Variants in GIT1 observed in about 807,000 individuals in gnomAD.
GIT1 encodes the protein ARF GTPase-activating protein GIT1.
In GIT1, 14 loss-of-function variants were observed where a neutral mutation model predicts 91.7. The observed-to-expected ratio is 0.15, with a 90% CI of 0.10 to 0.24. GIT1 has a LOEUF of 0.24. Among genes scored for constraint, GIT1 ranks in the 10% least tolerant of loss-of-function variants. GIT1 has a pLI of 1.00. For synonymous variants in GIT1, 414 were observed against 418.2 expected, an observed-to-expected ratio of 0.99 and a Z score of 0.12; for missense variants, 717 against 1,024.9, an observed-to-expected ratio of 0.70 and a Z score of 4.10.
chr17:29,589,470 C>CCGGCT lies in GIT1; in HGVS notation c.-97_-93dup, dbSNP rs1368870989. 5 of 413,942 alleles carry CCGGCT rather than the reference C, an allele frequency of 1.2e-5. No individual in the cohort carries two copies. Among genetic ancestry groups the CCGGCT allele is most frequent in the African/African-American group, 2.2e-5 (1 of 45,870 alleles). The allele number at this position is 413,942 out of a possible 1,614,324, so 25.6% of individuals were successfully genotyped here. ...GCGGCGGCGGCCCCTGCTGCCCGGC[C>CCGGCT]CGGCTCCGGCGAGGCCCCGGCGAGG... is the stretch of plus-strand genomic sequence containing the variant. On this transcript the variant is annotated 5_prime_UTR_variant, in exon 1 of 20. Transcript: ENST00000225394. The surrounding 1 kb of genome is among the most constrained non-coding windows in gnomAD (Gnocchi z 5.2).
At chr17:29,580,271 T>C (rs1200256679) in intron 7 of GIT1, among the ~76,000 whole-genome samples, 5 of 152,204 alleles carry the variant, frequency 3.3e-5, no homozygotes, top group Admixed American at 1.3e-4. Flanking sequence ...GTATTTACCA[T>C]ACACATGCAC....
At chr17:29,584,958 GCTT>G (rs1244544657) in intron 1 of GIT1, among the ~76,000 whole-genome samples, 3 of 125,728 alleles carry the variant, frequency 2.4e-5, no homozygotes, top group Non-Finnish European at 3.4e-5. Context: ...TTGGGTTTAG[GCTT>G]TTTTTTTTTT....
At chr17:29,577,854 G>A (rs2033268318) in intron 9 of GIT1, 112 bp from the exon 10 acceptor site, 1 of 714,050 alleles carries the variant, frequency 1.4e-6, no homozygotes, top group Non-Finnish European at 2.5e-6. Flanking sequence ...CTGAGCACTG[G>A]TGTTCAGAAC....
At chr17:29,583,923 C>T (rs1222561353) in intron 1 of GIT1, 2 of 400,266 alleles carry the variant, frequency 5.0e-6, no homozygotes, top group East Asian at 4.0e-5. Flanking sequence ...GTCTCTCAGC[C>T]TTTTCCCAGG....
chr17:29,580,546 T>C (rs985827191), intron 7 of GIT1, among the ~76,000 whole-genome samples: 5 of 152,182 alleles, frequency 3.3e-5, no homozygotes, highest in African/African-American at 1.2e-4. Flanking sequence ...TGTCCCACAC[T>C]GCCTCTCAGA....
At chr17:29,578,459 A>T in intron 8 of GIT1, 88 bp from the exon 9 acceptor site, 1 of 1,254,558 alleles carries the variant, frequency 8.0e-7, no homozygotes, top group Middle Eastern at 1.9e-4. Flanking sequence ...AGCCTTGGGG[A>T]ACCGGTGGCC....
At chr17:29,577,454 C>A (rs547831493) in intron 10 of GIT1, among the ~76,000 whole-genome samples, 191 bp downstream of exon 10, 3 of 152,286 alleles carry the variant, frequency 2.0e-5, no homozygotes, top group African/African-American at 7.2e-5. Context: ...GGCCGGAACA[C>A]CCACCGGAGC....
intron 12 of GIT1, 32 bp from the exon 13 acceptor site, chr17:29,576,706 T>A: frequency 6.2e-7 from 1 of 1,612,228 alleles, no homozygotes; most frequent in Admixed American, 1.7e-5. Context: ...GGTCAGCACC[T>A]GGGGGCAGGG....
chr17:29,581,513 C>T lies in GIT1; in HGVS notation c.719-133G>A, dbSNP rs879865365. On this transcript the variant is annotated intron_variant, in intron 6 of 19. Transcript: ENST00000225394. This position sits in a 1 kb window ranked among gnomAD's most constrained non-coding sequence, Gnocchi z 4.8. Reference sequence around the variant, plus strand: ...GAAAGTGGGGAGGGCAGGCCACCCCCAAGAATGCTGGGAGCTCGTGGGAGG... The same window carrying T: ...GAAAGTGGGGAGGGCAGGCCACCCCTAAGAATGCTGGGAGCTCGTGGGAGG... The T allele has an allele frequency of 5.1e-6, 4 of 788,212 alleles. No individual in the cohort carries two copies. The highest frequency in any genetic ancestry group is 8.8e-6 in the Non-Finnish European group (4 of 456,354). The allele number at this position is 788,212 out of a possible 1,614,324, so 48.8% of individuals were successfully genotyped here.
In GIT1 at chr17:29,576,264, G is replaced by T; in HGVS notation, c.1567C>A (p.Pro523Thr). The change falls in exon 14 of 20, where the codon CCT becomes ACT. Residue 523 changes from proline to threonine, a missense_variant. Pro to Thr is a conservative substitution (Grantham distance 38). Coordinates refer to ENST00000225394, the MANE Select transcript of GIT1 (RefSeq NM_014030.4). ...AGCCGCGTAGTGAGCTCGTCCCCAG[G>T]GGGGCCCCCAAAGGGCTTCAGGGCA... ...GSALKPFGGP[P>T]GDELTTRLQP... 1.9e-6 allele frequency: 3 copies of T among 1,610,372 alleles called. No individual in the cohort carries two copies. Among genetic ancestry groups the T allele is most frequent in the Non-Finnish European group, 2.5e-6 (3 of 1,177,830 alleles).
chr17:29,578,776 A>G lies in GIT1; in HGVS notation c.765T>C (p.Leu255=), dbSNP rs149462417. ...CAGCTTTGGCCAATTCGGATAAGTCAAGGCTGAGGGCAGAGGGAGATGGGA... is the reference window on the plus strand; with the variant it reads ...CAGCTTTGGCCAATTCGGATAAGTCGAGGCTGAGGGCAGAGGGAGATGGGA... The part of the protein sequence containing the change: ...HYIIPQMADS[L]DLSELAKAAK... Residue 255 remains leucine, a synonymous_variant, in exon 8 of 20, where the codon CTT becomes CTC. Coordinates refer to ENST00000225394, the MANE Select transcript of GIT1 (RefSeq NM_014030.4). 2.0e-5 allele frequency: 33 copies of G among 1,613,938 alleles called. No individual in the cohort carries two copies. Among genetic ancestry groups the G allele is most frequent in the African/African-American group, 2.7e-5 (2 of 74,908 alleles).
At position 29,581,911 on chromosome 17, in the gene GIT1, T is replaced by G; in HGVS notation, c.623+16A>C. The G allele has an allele frequency of 2.5e-6, 3 of 1,177,426 alleles. No individual in the cohort carries two copies. Among genetic ancestry groups the G allele is most frequent in the Non-Finnish European group, 3.6e-6 (3 of 840,366 alleles). The allele number at this position is 1,177,426 out of a possible 1,614,324, so 72.9% of individuals were successfully genotyped here. ...ACCCCCACCCACCCACACTGCACCC[T>G]TCAGCCGACCCTCACCTGGCATAGT... is the stretch of plus-strand genomic sequence containing the variant. On this transcript the variant is annotated intron_variant, in intron 5 of 19. Transcript: ENST00000225394. This position sits in a 1 kb window ranked among gnomAD's most constrained non-coding sequence, Gnocchi z 4.8.
At position 29,575,889 on chromosome 17, in the gene GIT1, C is replaced by T. The variant is rs1327119077; in HGVS notation, c.1675G>A (p.Gly559Arg). ...AAGGGCACAGCTGAGGCAGACACCC[C>T]TTTCCGGATCTGAAACCCAGGGCAG... ...VPAGLYRIRK[G>R]VSASAVPFTP... is the part of the protein sequence containing the mutation. The change falls in exon 16 of 20, where the codon GGG (glycine) becomes AGG (arginine). Residue 559 changes from glycine (G) to arginine (R), a missense_variant. Physicochemically the swap from Gly to Arg is moderately radical, Grantham distance 125 (BLOSUM62 -2). Around this residue, in one of 3 missense-constraint regions of GIT1, gnomAD observed 312 missense variants for 349.5 expected, o/e 0.89. Transcript: ENST00000225394. This position sits in a 1 kb window ranked among gnomAD's most constrained non-coding sequence, Gnocchi z 5.5. 6.2e-7 allele frequency: 1 copy of T among 1,607,342 alleles called. No homozygotes were observed. The highest frequency in any genetic ancestry group is 1.3e-5 in the African/African-American group (1 of 74,746).
In GIT1 at chr17:29,581,709, G is replaced by C. The variant is rs2033400898; in HGVS notation, c.718+33C>G. On this transcript the variant is annotated intron_variant, in intron 6 of 19. Transcript: ENST00000225394. This position sits in a 1 kb window ranked among gnomAD's most constrained non-coding sequence, Gnocchi z 4.8. ...CACCTGCCCAGCCCCAGCCAGGCCT[G>C]TCACAGCCAGGCGCCCCCCAAGCTC... is the stretch of plus-strand genomic sequence containing the variant. 3.2e-6 allele frequency: 5 copies of C among 1,566,668 alleles called. No homozygotes were observed. The East Asian group carries it at 1.1e-4, about 35-fold the overall frequency.
chr17:29,578,272 G>C, intron 9 of GIT1, 27 bp downstream of exon 9: 1 of 1,592,302 alleles, frequency 6.3e-7, no homozygotes, highest in Non-Finnish European at 8.6e-7. Flanking sequence ...GGTCCTCCAC[G>C]CCAGACACTC....
chr17:29,576,812 G>A (rs756578942), intron 12 of GIT1, 51 bp downstream of exon 12: 39 of 1,575,078 alleles, frequency 2.5e-5, no homozygotes, highest in Non-Finnish European at 2.9e-5. Context: ...GGGCCTCAGC[G>A]AAGGCCTGGG....
chr17:29,579,040 A>G, intron 7 of GIT1: 1 of 1,569,120 alleles, frequency 6.4e-7, no homozygotes, highest in Non-Finnish European at 8.8e-7. Flanking sequence ...GGCGGCAGTT[A>G]CCCAGGAGCA....
At position 29,578,715 on chromosome 17, in the gene GIT1, G is replaced by A; in HGVS notation, c.810+16C>T. 4 of 1,611,146 alleles carry A rather than the reference G, an allele frequency of 2.5e-6. No individual in the cohort carries two copies. On this transcript the variant is annotated intron_variant, in intron 8 of 19. Coordinates refer to ENST00000225394, the MANE Select transcript of GIT1 (RefSeq NM_014030.4). ...GGCCAGCTTCAAGTGTCAGGGCACTGTTGGAGCAGACTTACCGCCTGCAGC... is the reference window on the plus strand; with the variant it reads ...GGCCAGCTTCAAGTGTCAGGGCACTATTGGAGCAGACTTACCGCCTGCAGC...
intron 10 of GIT1, among the ~76,000 whole-genome samples, 176 bp downstream of exon 10, chr17:29,577,469 C>T (rs2033251826): frequency 6.6e-6 from 1 of 152,190 alleles, no homozygotes; most frequent in South Asian, 2.1e-4. Flanking sequence ...CGGAGCTGCT[C>T]CCCAAGTGCT....
Sources: gnomAD v4.1 joint callset for allele counts (sites outside exome capture counted in the v4.1 genomes callset) on GRCh38, gnomAD v4.1.1 for gene constraint, gnomAD v4.1.1 regional missense constraint, Gnocchi (gnomAD v3.1) non-coding constraint, MANE v1.5 for transcripts, NCBI Gene and HGNC (gene_info 2026-07-23, HGNC 2026-07-21) for gene names.